Variants in ANTXR1 observed in about 807,000 individuals in gnomAD.
ANTXR1 encodes the protein anthrax toxin receptor 1.
Under a neutral mutation model 78.1 loss-of-function variants are expected in ANTXR1, and 19 were observed. The ratio of observed to expected loss-of-function variants is 0.24; its 90% CI spans 0.17 to 0.36. The LOEUF is 0.36. ANTXR1 is among the 10% of genes least tolerant of loss of function. The probability of loss-of-function intolerance (pLI) is 1.00; values close to 1 mark genes in which losing one functional copy is unlikely to be tolerated. For missense variants in ANTXR1, 518 were observed against 718.6 expected (o/e 0.72, Z 3.19); for synonymous variants, 273 against 260.5 (o/e 1.05, Z -0.46).
rs116219863 is a variant in ANTXR1, at chr2:69,111,771, G to T, written c.802+8831G>T. On this transcript the variant is annotated intron_variant, in intron 10 of 17. Coordinates refer to ENST00000303714, the MANE Select transcript of ANTXR1 (RefSeq NM_032208.3). The stretch of plus-strand genomic sequence containing the variant: ...GGGGGAAGAGAGACAACACTCATTC[G>T]AACGTAGACGTTCCAGAGGGTGTTG... 8.5e-3 allele frequency among the ~76,000 whole-genome samples: 1,297 copies of T among 152,328 alleles called. 15 individuals are homozygous for T. The highest frequency in any genetic ancestry group is 0.014 in the Non-Finnish European group (957 of 68,028).
intron 3 of ANTXR1, among the ~76,000 whole-genome samples, chr2:69,063,808 T>C (rs1670315799): frequency 6.6e-6 from 1 of 152,106 alleles, no homozygotes; most frequent in African/African-American, 2.4e-5. Context: ...GGTTTTTCTA[T>C]TTTGTGAGAA....
In ANTXR1 at chr2:69,227,394, G is replaced by A. The variant is rs1675483273; in HGVS notation, c.1435-17831G>A. Reference sequence around the variant, plus strand: ...CAACTCCATGGTCAAAAAGTAAGAGGCTGCCCAAAGCCCAGCCTAATCCCA... The same window carrying A: ...CAACTCCATGGTCAAAAAGTAAGAGACTGCCCAAAGCCCAGCCTAATCCCA... On this transcript the variant is annotated intron_variant, in intron 17 of 17. Coordinates refer to ENST00000303714, the MANE Select transcript of ANTXR1 (RefSeq NM_032208.3). Among the ~76,000 whole-genome samples the A allele has an allele frequency of 2.0e-5, 3 of 152,046 alleles. No homozygotes were observed. In the South Asian group the frequency reaches 6.2e-4, roughly 32 times the overall value.
At chr2:69,198,013 C>T (rs1048634936) in intron 17 of ANTXR1, among the ~76,000 whole-genome samples, 3 of 152,192 alleles carry the variant, frequency 2.0e-5, no homozygotes, top group Non-Finnish European at 4.4e-5. Flanking sequence ...TATTACATTG[C>T]ATATCTTCCC....
intron 16 of ANTXR1, among the ~76,000 whole-genome samples, chr2:69,190,665 G>A (rs1674524394): frequency 6.6e-6 from 1 of 152,288 alleles, no homozygotes; most frequent in African/African-American, 2.4e-5. Context: ...CATAGAGCTG[G>A]TGAAAAGGAG....
At chr2:69,176,559 T>C (rs1004548307) in intron 14 of ANTXR1, among the ~76,000 whole-genome samples, 4 of 152,238 alleles carry the variant, frequency 2.6e-5, no homozygotes, top group Non-Finnish European at 4.4e-5. Flanking sequence ...CATGTCGTCA[T>C]TCTCACGAAA....
At chr2:69,215,318 C>T (rs1032385918) in intron 17 of ANTXR1, among the ~76,000 whole-genome samples, 1 of 152,228 alleles carries the variant, frequency 6.6e-6, no homozygotes, top group Non-Finnish European at 1.5e-5. Context: ...CTTCGCCCTA[C>T]CCAGGCCCCT....
At chr2:69,038,565 G>A (rs1184826322) in intron 1 of ANTXR1, among the ~76,000 whole-genome samples, 1 of 152,182 alleles carries the variant, frequency 6.6e-6, no homozygotes, top group Non-Finnish European at 1.5e-5. Context: ...CACATAAAAT[G>A]AGCAAATGTT....
At chr2:69,123,753 G>T (rs1254402047) in intron 11 of ANTXR1, among the ~76,000 whole-genome samples, 2 of 152,160 alleles carry the variant, frequency 1.3e-5, no homozygotes, top group Non-Finnish European at 2.9e-5. Flanking sequence ...GAAAGAGAAT[G>T]GGCACCCTGA....
At chr2:69,234,784 ATT>A (rs753953062) in intron 17 of ANTXR1, among the ~76,000 whole-genome samples, 1 of 151,992 alleles carries the variant, frequency 6.6e-6, no homozygotes, top group African/African-American at 2.4e-5. Flanking sequence ...AAAATTTATT[ATT>A]TTCATTAATC....
At chr2:69,072,239 G>A (rs1489750940) in intron 5 of ANTXR1, among the ~76,000 whole-genome samples, 3 of 152,064 alleles carry the variant, frequency 2.0e-5, no homozygotes, top group Admixed American at 6.6e-5. Context: ...TGAAAAAACT[G>A]CATAAAATAT....
chr2:69,069,310 T>G (rs6738471), intron 3 of ANTXR1, among the ~76,000 whole-genome samples: 40,189 of 152,038 alleles, frequency 0.26, 9,361 homozygotes, highest in African/African-American at 0.62. Flanking sequence ...ACCTCTGTCT[T>G]AGGTAAGAGT....
chr2:69,173,796 C>T (rs1573954412), intron 14 of ANTXR1, among the ~76,000 whole-genome samples: 2 of 152,162 alleles, frequency 1.3e-5, no homozygotes, highest in South Asian at 4.1e-4. Context: ...CCCCAAGCAG[C>T]TCCATGTCTC....
intron 2 of ANTXR1, among the ~76,000 whole-genome samples, chr2:69,041,428 G>A (rs893917182): frequency 6.6e-6 from 1 of 152,168 alleles, no homozygotes; most frequent in Non-Finnish European, 1.5e-5. Context: ...TATAAAACAA[G>A]TCTGCCTCCA....
In ANTXR1 at chr2:69,246,513, C is replaced by T. The variant is rs973267090; in HGVS notation, c.*1028C>T. 20 of 152,102 alleles carry T rather than the reference C, an allele frequency of 1.3e-4. No homozygotes were observed. Among genetic ancestry groups the T allele is most frequent in the African/African-American group, 4.4e-4 (18 of 41,370 alleles). The allele number at this position is 152,102 out of a possible 1,614,324, so 9.4% of individuals were successfully genotyped here. A position where few individuals can be genotyped will look rare whatever the true frequency, so the allele number is the denominator to read the frequency against. Reference sequence around the variant, plus strand: ...TTTTTTTTCTTGGTAAAGCCATGCACCACAGACTTCTGGGCAGAGCTGAGA... The same window carrying T: ...TTTTTTTTCTTGGTAAAGCCATGCATCACAGACTTCTGGGCAGAGCTGAGA... On this transcript the variant is annotated 3_prime_UTR_variant, in exon 18 of 18. Coordinates refer to ENST00000303714, the MANE Select transcript of ANTXR1 (RefSeq NM_032208.3).
chr2:69,109,465 C>T lies in ANTXR1; in HGVS notation c.802+6525C>T, dbSNP rs542643056. On this transcript the variant is annotated intron_variant, in intron 10 of 17. Transcript: ENST00000303714. ...TGGCCGATTTTAAGATTTATAAAAA[C>T]GCTGCAGTAATTGGAACAATGTATG... Among the ~76,000 whole-genome samples the T allele has an allele frequency of 1.4e-3, 213 of 152,274 alleles. 1 individual carries two copies. Among genetic ancestry groups the T allele is most frequent in the Non-Finnish European group, 2.2e-3 (149 of 68,024 alleles).
chr2:69,112,091 G>A (rs746146055), intron 10 of ANTXR1, among the ~76,000 whole-genome samples: 31 of 152,164 alleles, frequency 2.0e-4, no homozygotes, highest in Admixed American at 8.5e-4. Flanking sequence ...ATGAAGAGAC[G>A]TAAAGGAGCG....
intron 17 of ANTXR1, among the ~76,000 whole-genome samples, chr2:69,226,403 A>G (rs1288861362): frequency 1.3e-5 from 2 of 152,122 alleles, no homozygotes; most frequent in Non-Finnish European, 2.9e-5. Context: ...CAATTGGGGA[A>G]GGATGTGGAG....
chr2:69,018,762 C>T (rs1671100761), intron 1 of ANTXR1, among the ~76,000 whole-genome samples: 2 of 152,224 alleles, frequency 1.3e-5, no homozygotes, highest in Non-Finnish European at 2.9e-5. Context: ...TCTTTCCACT[C>T]ATCTTCCCTG....
At position 69,116,906 on chromosome 2, in the gene ANTXR1, G is replaced by A. The variant is rs1414991719; in HGVS notation, c.803-6111G>A. ...AATTGGCTAATGAATTTCAACCCTG[G>A]TTTTATCCCAGATCCATGAGCCACC... is the stretch of plus-strand genomic sequence containing the variant. On this transcript the variant is annotated intron_variant, in intron 10 of 17. Coordinates refer to ENST00000303714, the MANE Select transcript of ANTXR1 (RefSeq NM_032208.3). Among the ~76,000 whole-genome samples the A allele has an allele frequency of 3.3e-5, 5 of 152,152 alleles. No homozygotes were observed. The South Asian group carries it at 6.2e-4, about 19-fold the overall frequency.
Sources: allele counts gnomAD v4.1 joint callset (sites outside exome capture counted in the v4.1 genomes callset), GRCh38; gene constraint gnomAD v4.1.1; transcripts MANE v1.5; gene names NCBI Gene and HGNC (gene_info 2026-07-23, HGNC 2026-07-21).